KCNC4: variants seen among roughly 807,000 people sequenced by gnomAD.
KCNC4 encodes the protein voltage-gated potassium channel KCNC4.
In KCNC4, 23 loss-of-function variants were observed where a neutral mutation model predicts 42.8. That is an observed-to-expected ratio of 0.54 (90% CI 0.39 to 0.76). The LOEUF is 0.76. Among genes scored for constraint, KCNC4 ranks in the 30% least tolerant of loss-of-function variants. KCNC4 has a pLI of 0.00. For missense variants in KCNC4, 751 were observed against 898.2 expected (o/e 0.84, Z 2.10); for synonymous variants, 422 against 393.5 (o/e 1.07, Z -0.86).
At chr1:110,234,311 A>G (rs998020776), downstream of KCNC4, 3 of 152,118 alleles carry the variant, frequency 2.0e-5, no homozygotes, top group Non-Finnish European at 4.4e-5. Flanking sequence ...AGCCCCTGCC[A>G]TAACATGGAA....
exon 4 of KCNC4, chr1:110,242,773 T>C (rs1659056162): frequency 6.7e-6 from 1 of 148,900 alleles, no homozygotes; most frequent in South Asian, 2.1e-4. Flanking sequence ...AGGTAAGGGC[T>C]CTTTTTATCA....
rs1352057986 is a variant in KCNC4 at position 110,261,788 on chromosome 1, A to T, written n.31-20746A>T. Among the ~76,000 whole-genome samples the T allele has an allele frequency of 3.3e-5, 5 of 152,218 alleles. No homozygotes were observed. In the East Asian group the frequency reaches 7.7e-4, roughly 23 times the overall value. On this transcript the variant is annotated intron_variant and non_coding_transcript_variant, in intron 1 of 2. Transcript: ENST00000412512. ...AATTCTTATAACACTTTGAAATGGGATATGGAGTGACCAGGGAGGTCTTTT... is the reference window on the plus strand; with the variant it reads ...AATTCTTATAACACTTTGAAATGGGTTATGGAGTGACCAGGGAGGTCTTTT...
In KCNC4 at chr1:110,223,731, C is replaced by G. The variant is rs1411066999; in HGVS notation, c.1446C>G (p.Ala482=). 6.2e-7 allele frequency: 1 copy of G among 1,614,024 alleles called. No individual in the cohort carries two copies. Among genetic ancestry groups the G allele is most frequent in the Admixed American group, 1.7e-5 (1 of 60,004 alleles). ...VNNFGMYYSL[A]MAKQKLPKKR... ...ACTTCGGCATGTACTACTCCCTGGC[C>G]ATGGCCAAGCAGAAGCTGCCCAAGA... is the stretch of plus-strand genomic sequence containing the variant. The change falls in exon 2 of 4, where the codon GCC becomes GCG. Residue 482 remains alanine (A), a synonymous_variant. Transcript: ENST00000438661. The surrounding 1 kb of genome is among the most constrained non-coding windows in gnomAD (Gnocchi z 7.5).
At chr1:110,249,346 T>C (rs1210317544), downstream of KCNC4, among the ~76,000 whole-genome samples, 1 of 152,220 alleles carries the variant, frequency 6.6e-6, no homozygotes, top group Non-Finnish European at 1.5e-5. Flanking sequence ...CAATAAGGGA[T>C]GGCAGGCTGG....
Position 110,211,878 on chromosome 1 carries a change from G to C in KCNC4, c.379G>C (p.Glu127Gln), listed in dbSNP as rs753602779. 2 of 1,611,724 alleles carry C rather than the reference G, an allele frequency of 1.2e-6. No homozygotes were observed. The highest frequency in any genetic ancestry group is 1.7e-6 in the Non-Finnish European group (2 of 1,179,838). ...CGCGGACGTGTGCGGGCCGCTCTTCGAAGAGGAGCTCACCTTCTGGGGCAT... is the reference window on the plus strand; with the variant it reads ...CGCGGACGTGTGCGGGCCGCTCTTCCAAGAGGAGCTCACCTTCTGGGGCAT... ...CPADVCGPLF[E>Q]EELTFWGIDE... Residue 127 changes from glutamate to glutamine, a missense_variant, in exon 1 of 4, where the codon GAA becomes CAA. By Grantham distance (29) the Glu-to-Gln change is conservative. Transcript: ENST00000438661. This position sits in a 1 kb window ranked among gnomAD's most constrained non-coding sequence, Gnocchi z 6.5.
intron 2 of KCNC4, 137 bp from the exon 3 acceptor site, chr1:110,225,838 A>C: frequency 1.3e-6 from 1 of 795,760 alleles, no homozygotes; most frequent in Non-Finnish European, 2.0e-6. Flanking sequence ...GGCTCTGGCA[A>C]TGCTGCCTCT....
chr1:110,278,158 G>A (rs372104180), intron 1 of KCNC4, among the ~76,000 whole-genome samples: 2 of 149,098 alleles, frequency 1.3e-5, no homozygotes, highest in African/African-American at 2.5e-5. Flanking sequence ...AGAAAGAAAA[G>A]GAAGGAAGGA....
At chr1:110,226,566 A>C (rs1470124774) in intron 3 of KCNC4, among the ~76,000 whole-genome samples, 5 of 152,042 alleles carry the variant, frequency 3.3e-5, no homozygotes, top group Non-Finnish European at 7.4e-5. Context: ...AACACAGCTA[A>C]GGCTTCCCAA....
rs377166825 is a variant in KCNC4, at chr1:110,229,148, C to CCTGT, written c.1819+2988_1819+2991dup. 4.4e-3 allele frequency: 672 copies of CCTGT among 152,318 alleles called. 37 individuals carry two copies. In the East Asian group the frequency reaches 0.092, roughly 21 times the overall value. The allele number at this position is 152,318 out of a possible 1,614,324, so 9.4% of individuals were successfully genotyped here. A position where few individuals can be genotyped will look rare whatever the true frequency, so the allele number is the denominator to read the frequency against. On this transcript the variant is annotated intron_variant, in intron 3 of 3. Coordinates refer to ENST00000438661, the MANE Select transcript of KCNC4 (RefSeq NM_001039574.3). Reference sequence around the variant, plus strand: ...TAGCCTTTAACCAGTAGCCGAACAGCCTGTCTGTCTGTCTGTCTGTCCACC... The same window carrying CCTGT: ...TAGCCTTTAACCAGTAGCCGAACAGCCTGTCTGTCTGTCTGTCTGTCTGTCCACC...
intron 1 of KCNC4, chr1:110,222,473 C>G (rs994604290): frequency 6.4e-6 from 1 of 157,056 alleles, no homozygotes; most frequent in African/African-American, 2.4e-5. Flanking sequence ...CCTAATGCTT[C>G]TGGTCCAGGA....
intron 1 of KCNC4, among the ~76,000 whole-genome samples, chr1:110,258,017 C>T (rs969333274): frequency 2.0e-5 from 3 of 152,194 alleles, no homozygotes; most frequent in Non-Finnish European, 4.4e-5. Context: ...ATAATCCTTT[C>T]GCACTTGCCA....
chr1:110,258,067 A>G (rs1157926497), intron 1 of KCNC4, among the ~76,000 whole-genome samples: 1 of 152,188 alleles, frequency 6.6e-6, no homozygotes, highest in Non-Finnish European at 1.5e-5. Context: ...ACCTGGGCAC[A>G]TTGCTATGCT....
chr1:110,275,785 C>T (rs1022748729), intron 1 of KCNC4, among the ~76,000 whole-genome samples: 3 of 151,740 alleles, frequency 2.0e-5, no homozygotes, highest in South Asian at 4.2e-4. Context: ...AGTGAAACCC[C>T]GTCTCTACTA....
intron 1 of KCNC4, among the ~76,000 whole-genome samples, chr1:110,257,763 G>A (rs1258435311): frequency 6.7e-6 from 1 of 149,458 alleles, no homozygotes; most frequent in African/African-American, 2.5e-5. Flanking sequence ...AGGTGTTCCA[G>A]GGCTGGTATG....
downstream of KCNC4, among the ~76,000 whole-genome samples, chr1:110,283,304 G>GAACCAAC (rs1193260607): frequency 1.3e-5 from 2 of 152,044 alleles, no homozygotes; most frequent in Non-Finnish European, 2.9e-5. Context: ...CATGCATTTT[G>GAACCAAC]GTGGGGTCAA....
At chr1:110,262,658 C>G (rs1046569773) in intron 1 of KCNC4, among the ~76,000 whole-genome samples, 1 of 152,218 alleles carries the variant, frequency 6.6e-6, no homozygotes. Context: ...CCTTCTGCCT[C>G]ACTGTCTCTA....
chr1:110,239,001 C>T (rs945039740), downstream of KCNC4: 1 of 152,220 alleles, frequency 6.6e-6, no homozygotes, highest in African/African-American at 2.4e-5. Flanking sequence ...GAGCCTCCTC[C>T]CAGGTCTCCC....
intron 1 of KCNC4, among the ~76,000 whole-genome samples, chr1:110,277,426 A>T (rs1271122155): frequency 6.6e-6 from 1 of 152,202 alleles, no homozygotes; most frequent in East Asian, 1.9e-4. Flanking sequence ...ACAGCCCACC[A>T]CATTTCTTAT....
At position 110,212,148 on chromosome 1, in the gene KCNC4, G is replaced by C; in HGVS notation, c.649G>C (p.Glu217Gln). Residue 217 changes from glutamate (E) to glutamine (Q), a missense_variant, in exon 1 of 4, where the codon GAG (glutamate) becomes CAG (glutamine). Transcript: ENST00000438661. ...GCAGCCCCGCATGTGGGCGCTCTTC[G>C]AGGATCCCTACTCCTCCCGGGCCGC... is the stretch of plus-strand genomic sequence containing the variant. ...GWQPRMWALFEDPYSSRAARV... is the reference protein window; with the variant it reads ...GWQPRMWALFQDPYSSRAARV... 1 of 1,512,442 alleles carries C rather than the reference G, an allele frequency of 6.6e-7. No homozygotes were observed. The highest frequency in any genetic ancestry group is 2.3e-5 in the Admixed American group (1 of 42,832). The allele number at this position is 1,512,442 out of a possible 1,614,324, so 93.7% of individuals were successfully genotyped here. A position where few individuals can be genotyped will look rare whatever the true frequency, so the allele number is the denominator to read the frequency against.
Sources: allele counts gnomAD v4.1 joint callset (sites outside exome capture counted in the v4.1 genomes callset), GRCh38; gene constraint gnomAD v4.1.1; non-coding constraint Gnocchi (gnomAD v3.1); transcripts MANE v1.5; gene names NCBI Gene and HGNC (gene_info 2026-07-23, HGNC 2026-07-21).